The following ANLN variants were observed in gnomAD, a reference collection of about 807,000 sequenced individuals.
ANLN encodes the protein anillin.
In ANLN, 59 loss-of-function variants were observed where a neutral mutation model predicts 135.1. The ratio of observed to expected loss-of-function variants is 0.44; its 90% CI spans 0.35 to 0.54. ANLN has a LOEUF of 0.54. Ranked by LOEUF, ANLN falls within the 20% of genes least tolerant of loss-of-function variation. ANLN has a pLI of 0.00. For synonymous variants in ANLN, 406 were observed against 456.4 expected (o/e 0.89, Z 1.41); for missense variants, 1,182 against 1,340.0 (o/e 0.88, Z 1.84).
rs934944801 is a variant in ANLN at position 36,453,141 on chromosome 7, T to C, written c.*541T>C. On this transcript the variant is annotated 3_prime_UTR_variant, in exon 24 of 24. Transcript: ENST00000265748. ...AGCAAATATATATTGGCTTAAAGCATGAGGCTGTCTTCAGAAAAGTGATGT... is the reference window on the plus strand; with the variant it reads ...AGCAAATATATATTGGCTTAAAGCACGAGGCTGTCTTCAGAAAAGTGATGT... 6.6e-6 allele frequency: 1 copy of C among 152,484 alleles called. No homozygotes were observed. The highest frequency in any genetic ancestry group is 2.4e-5 in the African/African-American group (1 of 41,450). The allele number at this position is 152,484 out of a possible 1,614,324, so 9.4% of individuals were successfully genotyped here. A position where few individuals can be genotyped will look rare whatever the true frequency, so the allele number is the denominator to read the frequency against.
intron 20 of ANLN, among the ~76,000 whole-genome samples, chr7:36,433,159 G>A (rs149472112): frequency 6.6e-6 from 1 of 152,074 alleles, no homozygotes; most frequent in Non-Finnish European, 1.5e-5. Context: ...TTTATAAACT[G>A]GTCCTTATAT....
At chr7:36,399,042 C>T (rs1212532286) in intron 2 of ANLN, 37 bp from the exon 3 acceptor site, 3 of 1,536,342 alleles carry the variant, frequency 2.0e-6, no homozygotes, top group Middle Eastern at 1.8e-4. Flanking sequence ...TGAGAAATTA[C>T]AAATTTGAAT....
At chr7:36,431,901 C>T (rs2116728135) in intron 20 of ANLN, among the ~76,000 whole-genome samples, 1 of 151,954 alleles carries the variant, frequency 6.6e-6, no homozygotes, top group Non-Finnish European at 1.5e-5. Context: ...CAGAATAGGG[C>T]ACTTTTATCT....
At chr7:36,416,441 G>A (rs1000761783) in intron 8 of ANLN, among the ~76,000 whole-genome samples, 4 of 152,070 alleles carry the variant, frequency 2.6e-5, no homozygotes. Context: ...ATGCTGTGTT[G>A]AATAGAAGTC....
chr7:36,407,633 T>G, intron 4 of ANLN, 101 bp from the exon 5 acceptor site: 1 of 852,278 alleles, frequency 1.2e-6, no homozygotes, highest in East Asian at 2.5e-5. Context: ...TCATAAATCT[T>G]ACATAAAGGC....
Position 36,420,302 on chromosome 7 carries a change from ATCT to A in ANLN, c.2008_2010del (p.Leu670del), listed in dbSNP as rs1787821740. On this transcript the variant is annotated inframe_deletion, in exon 11 of 24. Coordinates refer to ENST00000265748, the MANE Select transcript of ANLN (RefSeq NM_018685.5). ...GATAGCCTTGGTTCTGAAGATCGTGATCTTCTTTACAGGTAAGAACATTTCTGG... is the reference window on the plus strand; with the variant it reads ...GATAGCCTTGGTTCTGAAGATCGTGATCTTTACAGGTAAGAACATTTCTGG... 1 of 1,614,020 alleles carries A rather than the reference ATCT, an allele frequency of 6.2e-7. No individual in the cohort carries two copies. Among genetic ancestry groups the A allele is most frequent in the Non-Finnish European group, 8.5e-7 (1 of 1,179,938 alleles).
At chr7:36,429,779 A>G (rs1788239018) in intron 20 of ANLN, among the ~76,000 whole-genome samples, 1 of 152,220 alleles carries the variant, frequency 6.6e-6, no homozygotes, top group Non-Finnish European at 1.5e-5. Context: ...TATCTTAAAT[A>G]TAGACTGTTC....
chr7:36,401,936 G>T lies in ANLN; in HGVS notation c.487+2543G>T, dbSNP rs1786969113. ...CCCTTTCCATGGCAATGACCCAAAA[G>T]TTACTATCCCTTCCCTAGATATTTC... is the stretch of plus-strand genomic sequence containing the variant. On this transcript the variant is annotated intron_variant, in intron 3 of 23. Coordinates refer to ENST00000265748, the MANE Select transcript of ANLN (RefSeq NM_018685.5). Among the ~76,000 whole-genome samples the T allele has an allele frequency of 1.7e-5, 2 of 116,072 alleles. 1 individual carries two copies. 76.1% of individuals were successfully genotyped at this position (116,072 alleles called of 152,430 possible).
At chr7:36,421,753 G>A (rs1787884843) in intron 12 of ANLN, 104 bp from the exon 13 acceptor site, 1 of 1,112,398 alleles carries the variant, frequency 9.0e-7, no homozygotes, top group South Asian at 2.0e-5. Context: ...CTTTCATCTG[G>A]AAATTCTAGA....
chr7:36,442,872 C>T (rs1788832304), intron 21 of ANLN, among the ~76,000 whole-genome samples: 1 of 151,746 alleles, frequency 6.6e-6, no homozygotes, highest in Admixed American at 6.6e-5. Flanking sequence ...CCTCGTGATC[C>T]GCCCGCCTCG....
chr7:36,411,783 A>G (rs993470882), intron 7 of ANLN, among the ~76,000 whole-genome samples: 4 of 152,192 alleles, frequency 2.6e-5, no homozygotes, highest in African/African-American at 9.7e-5. Context: ...TACTTGATTG[A>G]TTTGTTTTTT....
chr7:36,428,246 C>CT, intron 20 of ANLN: 1 of 904,514 alleles, frequency 1.1e-6, no homozygotes, highest in Non-Finnish European at 1.5e-6. Flanking sequence ...AATTCAGCTA[C>CT]TTTAACCAGT....
rs1157501721 is a variant in ANLN, at chr7:36,417,002, AAAC to A, written c.1523-76_1523-74del. 9 of 776,902 alleles carry A rather than the reference AAAC, an allele frequency of 1.2e-5. No individual in the cohort carries two copies. The South Asian group carries it at 1.4e-4, about 12-fold the overall frequency. 48.1% of individuals were successfully genotyped at this position (776,902 alleles called of 1,614,324 possible). A position where few individuals can be genotyped will look rare whatever the true frequency, so the allele number is the denominator to read the frequency against. ...ACATAGTTTTATAATCAGAAAAAAA[AAAC>A]ACACACAAGATTCCATAATTAGAAA... On this transcript the variant is annotated intron_variant, in intron 8 of 23. Coordinates refer to ENST00000265748, the MANE Select transcript of ANLN (RefSeq NM_018685.5).
intron 19 of ANLN, among the ~76,000 whole-genome samples, chr7:36,426,655 C>T (rs118179876): frequency 1.1e-3 from 170 of 152,166 alleles, no homozygotes; most frequent in Admixed American, 1.5e-3. Context: ...TGTTTTTTAT[C>T]GGGAAGTTGC....
chr7:36,441,286 C>T (rs1176617756), intron 21 of ANLN, among the ~76,000 whole-genome samples: 1 of 152,178 alleles, frequency 6.6e-6, no homozygotes, highest in Non-Finnish European at 1.5e-5. Context: ...TAGATCTCTT[C>T]AAGTTTACTC....
At chr7:36,427,905 TA>T (rs1181551774) in intron 20 of ANLN, among the ~76,000 whole-genome samples, 1 of 152,194 alleles carries the variant, frequency 6.6e-6, no homozygotes, top group Non-Finnish European at 1.5e-5. Context: ...GGTTGACTTC[TA>T]TATAATACAG....
intron 3 of ANLN, 97 bp downstream of exon 3, chr7:36,399,490 T>A (rs2116528526): frequency 1.8e-6 from 2 of 1,110,268 alleles, no homozygotes; most frequent in Non-Finnish European, 2.5e-6. Flanking sequence ...GAAAAATAAA[T>A]GCTTTTGTTT....
At chr7:36,403,904 A>G (rs1031978715) in intron 3 of ANLN, among the ~76,000 whole-genome samples, 9 of 152,036 alleles carry the variant, frequency 5.9e-5, no homozygotes, top group African/African-American at 2.2e-4. Context: ...CAAGCAATCC[A>G]CCCGCCTTGG....
Position 36,407,754 on chromosome 7 carries a change from A to G in ANLN, c.894A>G (p.Lys298=), listed in dbSNP as rs1188929699. Residue 298 remains lysine (K), a synonymous_variant, in exon 5 of 24, where the codon AAA becomes AAG. Transcript: ENST00000265748. The stretch of plus-strand genomic sequence containing the variant: ...TTCAGAAAGCTACTTCTCCAGTGAA[A>G]TCTACTACATCTATCACTGATGCTA... ...SSSVKATSPV[K]STTSITDAKS... 13 of 1,613,226 alleles carry G rather than the reference A, an allele frequency of 8.1e-6. No individual in the cohort carries two copies. Among genetic ancestry groups the G allele is most frequent in the Non-Finnish European group, 1.1e-5 (13 of 1,179,368 alleles).
Sources: allele counts gnomAD v4.1 joint callset (sites outside exome capture counted in the v4.1 genomes callset), GRCh38; gene constraint gnomAD v4.1.1; transcripts MANE v1.5; gene names NCBI Gene and HGNC (gene_info 2026-07-23, HGNC 2026-07-21).